EPHX2: variants seen among roughly 807,000 people sequenced by gnomAD.
EPHX2 encodes epoxide hydrolase 2.
EPHX2 carries 74 observed loss-of-function variants against 78.7 expected under a neutral mutation model. The observed-to-expected ratio is 0.94, with a 90% confidence interval of 0.78 to 1.14. The LOEUF is 1.14. Ranked by LOEUF, EPHX2 falls within the 50% of genes most tolerant of loss-of-function variation. The pLI, the probability that EPHX2 is intolerant of heterozygous loss-of-function variation, is 0.00. For missense variants in EPHX2, 715 were observed against 702.5 expected (o/e 1.02, Z -0.20); for synonymous variants, 251 against 255.2 (o/e 0.98, Z 0.16).
intron 1 of EPHX2, among the ~76,000 whole-genome samples, chr8:27,500,239 G>A (rs1195290460): frequency 6.6e-6 from 1 of 152,074 alleles, no homozygotes; most frequent in Non-Finnish European, 1.5e-5. Context: ...ATAAAAGTGT[G>A]TAGCACTTAC....
At chr8:27,546,219 T>C (rs1179223395), downstream of EPHX2, among the ~76,000 whole-genome samples, 1 of 152,026 alleles carries the variant, frequency 6.6e-6, no homozygotes, top group Non-Finnish European at 1.5e-5. Flanking sequence ...ACTCGCCTTG[T>C]GACCTTGAAA....
chr8:27,531,898 T>A (rs1815056330), intron 12 of EPHX2, among the ~76,000 whole-genome samples: 1 of 152,158 alleles, frequency 6.6e-6, no homozygotes, highest in South Asian at 2.1e-4. Context: ...CCTCCACCAA[T>A]GTGGGGGCAC....
chr8:27,494,290 C>T (rs572601034), intron 1 of EPHX2, among the ~76,000 whole-genome samples: 200 of 152,268 alleles, frequency 1.3e-3, no homozygotes, highest in South Asian at 3.3e-3. Context: ...ATTCGGTATT[C>T]GTGGTCACAA....
intron 11 of EPHX2, among the ~76,000 whole-genome samples, chr8:27,524,552 A>C (rs1024003036): frequency 1.3e-5 from 2 of 152,148 alleles, no homozygotes; most frequent in African/African-American, 4.8e-5. Context: ...TTCCCAACAT[A>C]TTCCATTCCA....
downstream of EPHX2, among the ~76,000 whole-genome samples, chr8:27,547,658 C>T (rs1815597669): frequency 6.6e-6 from 1 of 152,188 alleles, no homozygotes; most frequent in Admixed American, 6.5e-5. Flanking sequence ...TTACTCCTCC[C>T]ATCTAGCTGG....
intron 4 of EPHX2, among the ~76,000 whole-genome samples, chr8:27,505,636 G>A (rs545983916): frequency 6.6e-6 from 1 of 152,272 alleles, no homozygotes; most frequent in South Asian, 2.1e-4. Flanking sequence ...GTGATTGAAT[G>A]GAGATTAAAT....
At chr8:27,525,530 T>G in intron 12 of EPHX2, 57 bp downstream of exon 12, 1 of 1,389,468 alleles carries the variant, frequency 7.2e-7, no homozygotes, top group East Asian at 2.3e-5. Flanking sequence ...TTCCCCTTCC[T>G]GTCTCCTTCT....
At chr8:27,491,976 C>T (rs1158556178) in intron 1 of EPHX2, among the ~76,000 whole-genome samples, 5 of 148,670 alleles carry the variant, frequency 3.4e-5, no homozygotes, top group African/African-American at 1.2e-4. Flanking sequence ...TAGTTTCCAA[C>T]TTCTAAATTT....
At chr8:27,494,823 C>T (rs1395967284) in intron 1 of EPHX2, among the ~76,000 whole-genome samples, 2 of 152,224 alleles carry the variant, frequency 1.3e-5, no homozygotes, top group South Asian at 2.1e-4. Context: ...TGGCTGGCTT[C>T]GGGCATGAGT....
At chr8:27,512,736 A>G (rs1252370336) in intron 6 of EPHX2, among the ~76,000 whole-genome samples, 2 of 152,062 alleles carry the variant, frequency 1.3e-5, no homozygotes, top group Admixed American at 6.5e-5. Flanking sequence ...GTGCAGGCAG[A>G]TAAACCCAGC....
chr8:27,524,364 C>T (rs1814751949), intron 11 of EPHX2, among the ~76,000 whole-genome samples: 1 of 152,136 alleles, frequency 6.6e-6, no homozygotes, highest in South Asian at 2.1e-4. Flanking sequence ...ATTAATCTTC[C>T]TGACCTCTCT....
intron 12 of EPHX2, among the ~76,000 whole-genome samples, chr8:27,531,241 C>A (rs1815031016): frequency 6.6e-6 from 1 of 152,216 alleles, no homozygotes; most frequent in South Asian, 2.1e-4. Context: ...AGGCCCCTGA[C>A]CTGAGCGTCT....
intron 1 of EPHX2, among the ~76,000 whole-genome samples, chr8:27,495,111 G>A (rs1490391845): frequency 1.3e-5 from 2 of 152,200 alleles, no homozygotes; most frequent in Admixed American, 6.5e-5. Context: ...TTTGCACTGC[G>A]TGCAATAACT....
rs187029752 is a variant in EPHX2 at position 27,523,690 on chromosome 8, C to A, written c.1058+1182C>A. Among the ~76,000 whole-genome samples the A allele has an allele frequency of 5.9e-5, 9 of 152,220 alleles. No individual in the cohort carries two copies. In the East Asian group the frequency reaches 1.7e-3, roughly 29 times the overall value. The stretch of plus-strand genomic sequence containing the variant: ...AAAGTTTTCATGGTATTGTTGTGTT[C>A]ATCTCTCTAGCTTTTTAAATTTTTT... On this transcript the variant is annotated intron_variant, in intron 11 of 18. Transcript: ENST00000521400.
chr8:27,544,290 C>T (rs374673435), intron 18 of EPHX2, 46 bp downstream of exon 18: 66 of 1,607,298 alleles, frequency 4.1e-5, no homozygotes, highest in South Asian at 2.6e-4. Flanking sequence ...CAGGGCCCCC[C>T]GTTCACCTTC....
chr8:27,527,889 T>C (rs1366349319), intron 12 of EPHX2, among the ~76,000 whole-genome samples: 1 of 152,184 alleles, frequency 6.6e-6, no homozygotes, highest in African/African-American at 2.4e-5. Context: ...TCTTCTCAGC[T>C]GAGCAAACCG....
At chr8:27,527,420 A>G (rs1049033798) in intron 12 of EPHX2, among the ~76,000 whole-genome samples, 6 of 152,184 alleles carry the variant, frequency 3.9e-5, no homozygotes, top group Non-Finnish European at 5.9e-5. Context: ...CATGTCACCT[A>G]TTTGTAAGTG....
chr8:27,502,615 G>A (rs1285306791), intron 2 of EPHX2, among the ~76,000 whole-genome samples: 1 of 152,180 alleles, frequency 6.6e-6, no homozygotes, highest in African/African-American at 2.4e-5. Context: ...TTGGTTTGCA[G>A]ATGGCCACCT....
At position 27,522,304 on chromosome 8, in the gene EPHX2, A is replaced by T. The variant is rs183991021; in HGVS notation, c.973-119A>T. ...AGGCTTGAAGGGTGGGCATTTGGAG[A>T]GCTGCTGTGGGTCGGGGGAGGAGAC... On this transcript the variant is annotated intron_variant, in intron 10 of 18. Coordinates refer to ENST00000521400, the MANE Select transcript of EPHX2 (RefSeq NM_001979.6). 9.9e-4 allele frequency: 806 copies of T among 811,844 alleles called. 6 individuals are homozygous for T. In the East Asian group the frequency reaches 0.02, roughly 20 times the overall value. The allele number at this position is 811,844 out of a possible 1,614,324, so 50.3% of individuals were successfully genotyped here.
Sources: gnomAD v4.1 joint callset for allele counts (sites outside exome capture counted in the v4.1 genomes callset) on GRCh38, gnomAD v4.1.1 for gene constraint, MANE v1.5 for transcripts, NCBI Gene and HGNC (gene_info 2026-07-23, HGNC 2026-07-21) for gene names.